CDH4: variants seen among roughly 807,000 people sequenced by gnomAD.
The protein encoded by CDH4 is cadherin-4.
CDH4 carries 33 observed loss-of-function variants against 86.0 expected under a neutral mutation model. The observed-to-expected ratio is 0.38, with a 90% CI of 0.29 to 0.51. The LOEUF (loss-of-function observed/expected upper bound fraction) is 0.51, where lower values mean the gene tolerates loss of function less well. Ranked by LOEUF, CDH4 falls within the 20% of genes least tolerant of loss-of-function variation. The probability of loss-of-function intolerance (pLI) is 0.86; values close to 1 mark genes in which losing one functional copy is unlikely to be tolerated. For synonymous variants in CDH4, 555 were observed against 549.4 expected, an observed-to-expected ratio of 1.01 and a Z score of -0.14; for missense variants, 1,114 against 1,307.4, an observed-to-expected ratio of 0.85 and a Z score of 2.28.
intron 2 of CDH4, among the ~76,000 whole-genome samples, chr20:61,641,039 C>T (rs1343052810): frequency 6.6e-6 from 1 of 151,998 alleles, no homozygotes; most frequent in African/African-American, 2.4e-5. Flanking sequence ...GCCAGAGGCC[C>T]AGGTGGGTCC....
At chr20:61,560,818 C>T (rs1568686065) in intron 2 of CDH4, among the ~76,000 whole-genome samples, 1 of 152,232 alleles carries the variant, frequency 6.6e-6, no homozygotes, top group Admixed American at 6.5e-5. Flanking sequence ...CGGGGATAGT[C>T]CTGGCCTTCG....
chr20:61,828,008 A>G (rs1487374903), intron 4 of CDH4, among the ~76,000 whole-genome samples: 1 of 152,236 alleles, frequency 6.6e-6, no homozygotes, highest in Non-Finnish European at 1.5e-5. Context: ...ATAAAGCAAA[A>G]GAACTAAGCA....
intron 5 of CDH4, among the ~76,000 whole-genome samples, chr20:61,852,111 G>A (rs1411062991): frequency 6.6e-6 from 1 of 152,054 alleles, no homozygotes; most frequent in Non-Finnish European, 1.5e-5. Context: ...CAGGCCTCCC[G>A]GCCCTGCCTC....
intron 2 of CDH4, among the ~76,000 whole-genome samples, chr20:61,532,766 G>C (rs1405765322): frequency 6.6e-6 from 1 of 152,166 alleles, no homozygotes; most frequent in African/African-American, 2.4e-5. Flanking sequence ...AAGGTGTTTT[G>C]GCGGGATCAG....
At chr20:61,908,587 G>C (rs2054816892) in intron 8 of CDH4, among the ~76,000 whole-genome samples, 2 of 152,328 alleles carry the variant, frequency 1.3e-5, no homozygotes, top group Non-Finnish European at 2.9e-5. Context: ...GGCAGACGCG[G>C]TCTGCTGGCC....
chr20:61,754,153 A>G lies in CDH4; in HGVS notation c.396+10364A>G, dbSNP rs1426257805. Among the ~76,000 whole-genome samples the G allele has an allele frequency of 6.6e-6, 1 of 152,160 alleles. No homozygotes were observed. The highest frequency in any genetic ancestry group is 2.4e-5 in the African/African-American group (1 of 41,434). On this transcript the variant is annotated intron_variant, in intron 3 of 15. Transcript: ENST00000614565. This position sits in a 1 kb window ranked among gnomAD's most constrained non-coding sequence, Gnocchi z 4.7. ...AGCAGATTCTCCTGCACAGCCTCCC[A>G]GGGACCAGTGCTGCAACATCTTGAT...
intron 2 of CDH4, among the ~76,000 whole-genome samples, chr20:61,671,776 T>C (rs2087390992): frequency 6.7e-6 from 1 of 149,472 alleles, no homozygotes; most frequent in Non-Finnish European, 1.5e-5. Flanking sequence ...GGATGGATGA[T>C]GGATCAATGG....
intron 2 of CDH4, among the ~76,000 whole-genome samples, chr20:61,493,509 C>T (rs1022256440): frequency 9.9e-5 from 15 of 152,256 alleles, no homozygotes; most frequent in African/African-American, 3.4e-4. Flanking sequence ...AATGCCTCTA[C>T]GGCTACAACC....
intron 3 of CDH4, among the ~76,000 whole-genome samples, chr20:61,748,552 G>T (rs916138331): frequency 6.6e-6 from 1 of 152,206 alleles, no homozygotes; most frequent in East Asian, 1.9e-4. Flanking sequence ...CAGAAATGGA[G>T]GAAAGAATGA....
intron 8 of CDH4, among the ~76,000 whole-genome samples, chr20:61,897,714 T>C (rs141429769): frequency 1.0e-3 from 156 of 152,306 alleles, no homozygotes; most frequent in African/African-American, 3.7e-3. Context: ...GCTTTTCCAA[T>C]GGCTAAGCAC....
chr20:61,843,436 G>A (rs1311881369), intron 4 of CDH4, among the ~76,000 whole-genome samples: 2 of 128,302 alleles, frequency 1.6e-5, no homozygotes, highest in African/African-American at 6.0e-5. Flanking sequence ...CGGCCTGGGC[G>A]ACAGAGCGAG....
intron 2 of CDH4, among the ~76,000 whole-genome samples, chr20:61,505,170 T>C (rs764629126): frequency 3.7e-4 from 57 of 152,126 alleles, no homozygotes; most frequent in Non-Finnish European, 1.2e-4. Flanking sequence ...ATTTGGTTCA[T>C]TGTGGGGTGT....
At chr20:61,800,236 C>G (rs1372785228) in intron 4 of CDH4, among the ~76,000 whole-genome samples, 1 of 152,240 alleles carries the variant, frequency 6.6e-6, no homozygotes, top group Non-Finnish European at 1.5e-5. Context: ...ACCGCACTCC[C>G]TCGAGTGCAC....
intron 2 of CDH4, among the ~76,000 whole-genome samples, chr20:61,495,732 A>G (rs570112306): frequency 1.1e-3 from 162 of 151,714 alleles, no homozygotes; most frequent in African/African-American, 3.6e-3. Context: ...GTGAAACCCC[A>G]TCTCTACTAA....
At chr20:61,898,443 G>T (rs914666677) in intron 8 of CDH4, among the ~76,000 whole-genome samples, 24 of 152,334 alleles carry the variant, frequency 1.6e-4, no homozygotes, top group Non-Finnish European at 2.8e-4. Flanking sequence ...CTAGAAGCTG[G>T]TGGCCACAGA....
chr20:61,852,108 C>G (rs964123234), intron 5 of CDH4, among the ~76,000 whole-genome samples: 1 of 152,212 alleles, frequency 6.6e-6, no homozygotes, highest in Non-Finnish European at 1.5e-5. Flanking sequence ...ACACAGGCCT[C>G]CCGGCCCTGC....
chr20:61,724,897 G>A (rs1037752129), intron 2 of CDH4, among the ~76,000 whole-genome samples: 1 of 152,132 alleles, frequency 6.6e-6, no homozygotes, highest in Admixed American at 6.5e-5. Context: ...GATCGCTTGA[G>A]CCCAGAAGTT....
intron 2 of CDH4, among the ~76,000 whole-genome samples, chr20:61,299,915 GT>G: frequency 6.6e-6 from 1 of 152,364 alleles, no homozygotes; most frequent in African/African-American, 2.4e-5. Flanking sequence ...CAGGAGGTGT[GT>G]GGGGTTAGAG....
At position 61,645,469 on chromosome 20, in the gene CDH4, T is replaced by A. The variant is rs112875038; in HGVS notation, c.170-98094T>A. ...CAGTAAGACTTCATCTCTACAAAAATTTTTTTTAAAAGTTAACCAGGTATG... is the reference window on the plus strand; with the variant it reads ...CAGTAAGACTTCATCTCTACAAAAAATTTTTTTAAAAGTTAACCAGGTATG... On this transcript the variant is annotated intron_variant, in intron 2 of 15. Transcript: ENST00000614565. 2.3e-3 allele frequency among the ~76,000 whole-genome samples: 350 copies of A among 151,480 alleles called. 1 individual carries two copies. Among genetic ancestry groups the A allele is most frequent in the African/African-American group, 8.0e-3 (332 of 41,398 alleles).
Sources: allele counts gnomAD v4.1 joint callset (sites outside exome capture counted in the v4.1 genomes callset), GRCh38; gene constraint gnomAD v4.1.1; non-coding constraint Gnocchi (gnomAD v3.1); transcripts MANE v1.5; gene names NCBI Gene and HGNC (gene_info 2026-07-23, HGNC 2026-07-21).